DNAAF11: variants seen among roughly 807,000 people sequenced by gnomAD.
The protein encoded by DNAAF11 is leucine rich repeat containing 6.
In DNAAF11, 45 loss-of-function variants were observed where a neutral mutation model predicts 60.8. The ratio of observed to expected loss-of-function variants is 0.74; its 90% CI spans 0.58 to 0.95. DNAAF11 has a LOEUF of 0.95. DNAAF11 is among the 40% of genes least tolerant of loss of function. The pLI, the probability that DNAAF11 is intolerant of heterozygous loss-of-function variation, is 0.00. For missense variants in DNAAF11, 546 were observed against 546.2 expected, an observed-to-expected ratio of 1.00 and a Z score of 0.00; for synonymous variants, 191 against 183.5, an observed-to-expected ratio of 1.04 and a Z score of -0.33.
At chr8:132,647,640 A>G (rs952712408) in intron 3 of DNAAF11, among the ~76,000 whole-genome samples, 1 of 152,230 alleles carries the variant, frequency 6.6e-6, no homozygotes, top group Non-Finnish European at 1.5e-5. Flanking sequence ...AAGAAAAGAG[A>G]GAAGAATCAA....
At chr8:132,631,299 A>T (rs1820772013) in intron 5 of DNAAF11, among the ~76,000 whole-genome samples, 1 of 152,174 alleles carries the variant, frequency 6.6e-6, no homozygotes, top group Non-Finnish European at 1.5e-5. Flanking sequence ...CACTAGGAAG[A>T]CCACATGTGT....
chr8:132,690,832 T>A, the DNAAF11 span, among the ~76,000 whole-genome samples: 4 of 152,294 alleles, frequency 2.6e-5, no homozygotes, highest in East Asian at 1.9e-4. Flanking sequence ...TTTCTTGTGA[T>A]TAAACTGGTT....
At chr8:132,620,235 G>A (rs946107195) in intron 7 of DNAAF11, among the ~76,000 whole-genome samples, 1 of 152,124 alleles carries the variant, frequency 6.6e-6, no homozygotes, top group African/African-American at 2.4e-5. Context: ...AGTGGGTAGT[G>A]TGCTGGATTT....
intron 1 of DNAAF11, among the ~76,000 whole-genome samples, chr8:132,664,496 G>T (rs891502997): frequency 1.3e-5 from 2 of 152,002 alleles, no homozygotes; most frequent in African/African-American, 4.8e-5. Flanking sequence ...TTTGAGACAC[G>T]GTCTCACTCT....
the DNAAF11 span, among the ~76,000 whole-genome samples, chr8:132,699,930 C>T: frequency 2.6e-5 from 4 of 152,098 alleles, no homozygotes; most frequent in African/African-American, 7.2e-5. Context: ...CTGCCAGGGG[C>T]CAGGGAAGGG....
At chr8:132,638,182 C>T in intron 3 of DNAAF11, 75 bp from the exon 4 acceptor site, 1 of 1,103,882 alleles carries the variant, frequency 9.1e-7, no homozygotes, top group Non-Finnish European at 1.4e-6. Context: ...TGTAACATCA[C>T]ATAACAGAAG....
At chr8:132,656,770 C>T in intron 3 of DNAAF11, 60 bp downstream of exon 3, 1 of 757,634 alleles carries the variant, frequency 1.3e-6, no homozygotes, top group Non-Finnish European at 2.2e-6. Flanking sequence ...CTGCACCTGG[C>T]CTTCTAACTT....
the DNAAF11 span, among the ~76,000 whole-genome samples, chr8:132,683,622 C>T: frequency 1.3e-5 from 2 of 152,228 alleles, no homozygotes; most frequent in Non-Finnish European, 2.9e-5. Context: ...CTGGCCCCTA[C>T]ACAGCCTCAG....
At chr8:132,696,850 G>A in the DNAAF11 span, among the ~76,000 whole-genome samples, 1 of 152,120 alleles carries the variant, frequency 6.6e-6, no homozygotes, top group Non-Finnish European at 1.5e-5. Flanking sequence ...GAGAACGCAT[G>A]GACCCAATGA....
chr8:132,660,711 CCT>C (rs1824053405), intron 2 of DNAAF11, among the ~76,000 whole-genome samples: 1 of 152,148 alleles, frequency 6.6e-6, no homozygotes, highest in South Asian at 2.1e-4. Context: ...CCAGTCCTAC[CCT>C]CTTTCCTGGT....
intron 8 of DNAAF11, among the ~76,000 whole-genome samples, chr8:132,614,185 T>A (rs950117929): frequency 3.9e-5 from 6 of 152,028 alleles, no homozygotes; most frequent in African/African-American, 7.2e-5. Flanking sequence ...AGGTACTGCT[T>A]TATGTCAGAT....
chr8:132,614,989 T>G (rs773525376), intron 8 of DNAAF11, 49 bp downstream of exon 8: 15 of 1,247,528 alleles, frequency 1.2e-5, no homozygotes, highest in Non-Finnish European at 1.7e-5. Context: ...CTACTGAGAA[T>G]GAAAACAGAC....
the DNAAF11 span, among the ~76,000 whole-genome samples, chr8:132,699,183 C>G: frequency 2.0e-4 from 30 of 151,178 alleles, no homozygotes; most frequent in African/African-American, 7.3e-4. Context: ...GTTGTGTGAC[C>G]AGGGGTGGCG....
chr8:132,675,586 C>A, upstream of DNAAF11: 4 of 1,339,038 alleles, frequency 3.0e-6, no homozygotes, highest in Non-Finnish European at 4.0e-6. Flanking sequence ...GCGTCCCCGT[C>A]GGAATTCAGG....
intron 3 of DNAAF11, among the ~76,000 whole-genome samples, chr8:132,644,518 C>G (rs1429848129): frequency 6.6e-6 from 1 of 152,046 alleles, no homozygotes; most frequent in Non-Finnish European, 1.5e-5. Context: ...GGAGGATTAG[C>G]CAAAGCAAGG....
chr8:132,664,991 G>A (rs1425596451), intron 1 of DNAAF11, among the ~76,000 whole-genome samples: 1 of 152,104 alleles, frequency 6.6e-6, no homozygotes, highest in African/African-American at 2.4e-5. Context: ...ACAAAGGAAA[G>A]AAGGGACACA....
At chr8:132,678,632 G>A (rs556942076), upstream of DNAAF11, among the ~76,000 whole-genome samples, 4 of 152,000 alleles carry the variant, frequency 2.6e-5, no homozygotes, top group South Asian at 8.3e-4. Flanking sequence ...AGATCCTCCC[G>A]CCTGGGCATC....
chr8:132,578,157 G>A (rs1193415066), intron 11 of DNAAF11, among the ~76,000 whole-genome samples: 1 of 152,002 alleles, frequency 6.6e-6, no homozygotes, highest in Non-Finnish European at 1.5e-5. Context: ...CTTTGAGGAA[G>A]AATGGCCTAC....
chr8:132,697,081 A>G, the DNAAF11 span, among the ~76,000 whole-genome samples: 3 of 152,194 alleles, frequency 2.0e-5, no homozygotes, highest in Non-Finnish European at 4.4e-5. Context: ...AAGACCGCAT[A>G]TTGCATGATT....
Sources: gnomAD v4.1 joint callset for allele counts (sites outside exome capture counted in the v4.1 genomes callset) on GRCh38, gnomAD v4.1.1 for gene constraint, MANE v1.5 for transcripts, NCBI Gene and HGNC (gene_info 2026-07-23, HGNC 2026-07-21) for gene names.